RHOXF1: variants seen among roughly 807,000 people sequenced by gnomAD.
RHOXF1 encodes Rhox homeobox family member 1, also known as PEPP subfamily gene 1.
RHOXF1 carries 1 observed loss-of-function variant against 9.7 expected under a neutral mutation model. The ratio of observed to expected loss-of-function variants is 0.10; its 90% CI spans 0.04 to 0.49. The LOEUF is 0.49. RHOXF1 is among the 20% of genes least tolerant of loss of function. The pLI, the probability that RHOXF1 is intolerant of heterozygous loss-of-function variation, is 0.95. For missense variants in RHOXF1, 179 were observed against 168.0 expected, an observed-to-expected ratio of 1.07 and a Z score of -0.36; for synonymous variants, 72 against 70.2, an observed-to-expected ratio of 1.03 and a Z score of -0.13.
intron 2 of RHOXF1, among the ~76,000 whole-genome samples, 163 bp downstream of exon 2, chrX:120,112,706 C>T (rs868973607): frequency 9.1e-6 from 1 of 110,057 alleles, no homozygotes; most frequent in Non-Finnish European, 1.9e-5. Flanking sequence ...CCTTTTCTAC[C>T]GACAAGGAAC....
chrX:120,109,135 T>C lies in RHOXF1; in HGVS notation c.*57A>G, dbSNP rs988105085. The C allele has an allele frequency of 1.1e-4, 85 of 775,065 alleles. 1 individual carries two copies. Among genetic ancestry groups the C allele is most frequent in the Non-Finnish European group, 1.6e-4 (83 of 512,032 alleles). 63.9% of individuals were successfully genotyped at this position (775,065 alleles called of 1,213,427 possible). ...GCGGCATGGGCAGCCCAGGTGTCAG[T>C]GGCACCAGAAAAACCCATCTCCAAA... On this transcript the variant is annotated 3_prime_UTR_variant, in exon 3 of 3. Coordinates refer to ENST00000217999, the MANE Select transcript of RHOXF1 (RefSeq NM_139282.3).
chrX:120,116,661 G>A (rs2057298204), upstream of RHOXF1, among the ~76,000 whole-genome samples: 1 of 111,045 alleles, frequency 9.0e-6, no homozygotes, highest in Admixed American at 9.5e-5. Flanking sequence ...TCCAGCAAAG[G>A]CACTGAAAGC....
chrX:120,114,005 G>A (rs372754640), intron 1 of RHOXF1, among the ~76,000 whole-genome samples: 9 of 109,909 alleles, frequency 8.2e-5, no homozygotes, highest in African/African-American at 3.0e-4. Flanking sequence ...GGCTGACACG[G>A]GAGGATGGCT....
At chrX:120,113,764 T>C (rs1032869916) in intron 1 of RHOXF1, among the ~76,000 whole-genome samples, 27 of 108,413 alleles carry the variant, frequency 2.5e-4, no homozygotes, top group African/African-American at 8.7e-4. Context: ...CTGGCCCTAA[T>C]GCACTATTTT....
At chrX:120,111,630 G>C (rs1037483938) in intron 2 of RHOXF1, among the ~76,000 whole-genome samples, 1 of 111,499 alleles carries the variant, frequency 9.0e-6, no homozygotes, top group African/African-American at 3.3e-5. Context: ...ACCCTAAAAT[G>C]AGGGCCACCT....
Position 120,115,830 on chromosome X carries a change from G to T in RHOXF1, c.33C>A (p.Phe11Leu). The T allele has an allele frequency of 8.4e-7, 1 of 1,192,408 alleles. No individual in the cohort carries two copies. Among genetic ancestry groups the T allele is most frequent in the African/African-American group, 1.8e-5 (1 of 56,485 alleles). MARSLVHDTVFYCLSVYQVKI... is the reference protein window; with the variant it reads MARSLVHDTVLYCLSVYQVKI... ...TTACCTGGTATACACTCAGGCAGTA[G>T]AACACGGTGTCGTGGACGAGCGAAC... is the stretch of plus-strand genomic sequence containing the variant. Residue 11 changes from phenylalanine (F) to leucine (L), a missense_variant, in exon 1 of 3, where the codon TTC (phenylalanine) becomes TTA (leucine). By Grantham distance (22) the Phe-to-Leu change is conservative. Transcript: ENST00000217999.
At chrX:120,120,052 A>G (rs2057310790), upstream of RHOXF1, among the ~76,000 whole-genome samples, 1 of 111,843 alleles carries the variant, frequency 8.9e-6, no homozygotes, top group Non-Finnish European at 1.9e-5. Flanking sequence ...TACCAAGCAT[A>G]GGGCCTATTA....
At chrX:120,110,309 G>A (rs1002221084) in intron 2 of RHOXF1, among the ~76,000 whole-genome samples, 23 of 111,670 alleles carry the variant, frequency 2.1e-4, no homozygotes, top group Middle Eastern at 4.2e-3. Flanking sequence ...AAACCAGCTC[G>A]ACCCAAATTA....
At chrX:120,117,225 C>T (rs1386554189), upstream of RHOXF1, among the ~76,000 whole-genome samples, 4 of 110,604 alleles carry the variant, frequency 3.6e-5, no homozygotes, top group Non-Finnish European at 7.6e-5. Flanking sequence ...GGCAGCACTC[C>T]AGCCTGGGCA....
At chrX:120,118,132 C>A (rs1229990619), upstream of RHOXF1, among the ~76,000 whole-genome samples, 1 of 112,047 alleles carries the variant, frequency 8.9e-6, no homozygotes, top group Non-Finnish European at 1.9e-5. Context: ...GCCTTTGGGG[C>A]AGAAGGCAGG....
rs782435711 is a variant in RHOXF1, at chrX:120,115,755, A to G, written c.108T>C (p.His36=). The G allele has an allele frequency of 3.3e-6, 4 of 1,208,515 alleles. No homozygotes were observed. The Admixed American group carries it at 8.7e-5, about 26-fold the overall frequency. Residue 36 remains histidine, a synonymous_variant, in exon 1 of 3, where the codon CAT becomes CAC. Coordinates refer to ENST00000217999, the MANE Select transcript of RHOXF1 (RefSeq NM_139282.3). ...TGAGGCCTGGAGCTCCTTGGCCAAC[A>G]TGGCCTTCTGCGCTTGATGCTGCCC... ...QLGAASSAEG[H]VGQGAPGLMG...
intron 2 of RHOXF1, among the ~76,000 whole-genome samples, chrX:120,111,673 A>C (rs1318678040): frequency 8.9e-6 from 1 of 112,024 alleles, no homozygotes; most frequent in Non-Finnish European, 1.9e-5. Flanking sequence ...CCACCTCTTC[A>C]AAAAAGTACC....
In RHOXF1 at chrX:120,112,799, A is replaced by G. The variant is rs1279327490; in HGVS notation, c.444+70T>C. ...TAGAACGTTCAGGACAAAGCCTTCAAAGCCTTCAATGCCCTGAAGCAGGTT... is the reference window on the plus strand; with the variant it reads ...TAGAACGTTCAGGACAAAGCCTTCAGAGCCTTCAATGCCCTGAAGCAGGTT... On this transcript the variant is annotated intron_variant, in intron 2 of 2. Transcript: ENST00000217999. 294 of 714,481 alleles carry G rather than the reference A, an allele frequency of 4.1e-4. 2 individuals are homozygous for G. In the African/African-American group the frequency reaches 5.4e-3, roughly 13 times the overall value. The allele number at this position is 714,481 out of a possible 1,213,427, so 58.9% of individuals were successfully genotyped here. A position where few individuals can be genotyped will look rare whatever the true frequency, so the allele number is the denominator to read the frequency against.
At chrX:120,117,701 G>A (rs2057302762), upstream of RHOXF1, 1 of 111,253 alleles carries the variant, frequency 9.0e-6, no homozygotes, top group African/African-American at 3.3e-5. Flanking sequence ...AGATCCTTGC[G>A]TTCTATCCCT....
rs1426587023 is a variant in RHOXF1, at chrX:120,112,897, T to G, written c.416A>C (p.Asn139Thr). ...DVPTRRELAENLGVTEDKVRV... is the reference protein window; with the variant it reads ...DVPTRRELAETLGVTEDKVRV... ...CACTTTGTCTTCAGTCACACCTAAG[T>G]TTTCGGCAAGTTCCCTTCTGTGGAG... The change falls in exon 2 of 3, where the codon AAC becomes ACC. Residue 139 changes from asparagine to threonine, a missense_variant. Physicochemically the swap from Asn to Thr is moderately conservative, Grantham distance 65. Coordinates refer to ENST00000217999, the MANE Select transcript of RHOXF1 (RefSeq NM_139282.3). 4.2e-6 allele frequency: 5 copies of G among 1,197,112 alleles called. No homozygotes were observed. The African/African-American group carries it at 8.8e-5, about 21-fold the overall frequency.
In RHOXF1 at chrX:120,109,309, T is replaced by A; in HGVS notation, c.445-7A>T. 9.2e-7 allele frequency: 1 copy of A among 1,089,530 alleles called. No homozygotes were observed. Among genetic ancestry groups the A allele is most frequent in the Non-Finnish European group, 1.3e-6 (1 of 789,220 alleles). The allele number at this position is 1,089,530 out of a possible 1,213,427, so 89.8% of individuals were successfully genotyped here. On this transcript the variant is annotated splice_polypyrimidine_tract_variant and splice_region_variant and intron_variant, in intron 2 of 2. Coordinates refer to ENST00000217999, the MANE Select transcript of RHOXF1 (RefSeq NM_139282.3). ...TTTTATTCTTAAACCAAACCTACAA[T>A]CAGAGGGAAAAGGGGATTGGTTTAG... is the stretch of plus-strand genomic sequence containing the variant.
chrX:120,115,411 A>C, intron 1 of RHOXF1, 54 bp downstream of exon 1: 1 of 1,026,891 alleles, frequency 9.7e-7, no homozygotes, highest in South Asian at 3.3e-5. Flanking sequence ...GGAGAGAAAA[A>C]GATGCCTCGA....
chrX:120,110,439 A>C (rs1351382651), intron 2 of RHOXF1, among the ~76,000 whole-genome samples: 1 of 111,727 alleles, frequency 9.0e-6, no homozygotes, highest in Non-Finnish European at 1.9e-5. Context: ...TCCTGGGCTC[A>C]GGACAAGGTC....
chrX:120,111,102 T>TAC (rs1446834368), intron 2 of RHOXF1, among the ~76,000 whole-genome samples: 1 of 112,343 alleles, frequency 8.9e-6, no homozygotes, highest in African/African-American at 3.2e-5. Context: ...AGTTTGGAGA[T>TAC]ACATGAGAGC....
Sources: allele counts gnomAD v4.1 joint callset (sites outside exome capture counted in the v4.1 genomes callset), GRCh38; gene constraint gnomAD v4.1.1; transcripts MANE v1.5; gene names NCBI Gene and HGNC (gene_info 2026-07-23, HGNC 2026-07-21).